The following FRMD4B variants were observed in gnomAD, a reference collection of about 807,000 sequenced individuals.
FRMD4B encodes the protein FERM domain-containing protein 4B.
FRMD4B carries 74 observed loss-of-function variants against 141.5 expected under a neutral mutation model. The ratio of observed to expected loss-of-function variants is 0.52; its 90% CI spans 0.43 to 0.63. The LOEUF is 0.63. Ranked by LOEUF, FRMD4B falls within the 30% of genes least tolerant of loss-of-function variation. The probability of loss-of-function intolerance (pLI) is 0.00; values close to 1 mark genes in which losing one functional copy is unlikely to be tolerated. For missense variants in FRMD4B, 1,366 were observed against 1,253.4 expected (o/e 1.09, Z -1.36); for synonymous variants, 506 against 467.9 (o/e 1.08, Z -1.05).
intron 5 of FRMD4B, among the ~76,000 whole-genome samples, chr3:69,257,547 G>T (rs1193276163): frequency 6.6e-6 from 1 of 152,040 alleles, no homozygotes; most frequent in African/African-American, 2.4e-5. Flanking sequence ...TACTAACCAT[G>T]CTAAATATTT....
At chr3:69,513,699 C>T (rs765288323) in intron 1 of FRMD4B, among the ~76,000 whole-genome samples, 19 of 151,710 alleles carry the variant, frequency 1.3e-4, no homozygotes, top group Admixed American at 7.9e-4. Flanking sequence ...TATAGGGCAA[C>T]CAAGTGAGAT....
At chr3:69,515,050 A>T (rs575784742) in intron 1 of FRMD4B, among the ~76,000 whole-genome samples, 3 of 152,358 alleles carry the variant, frequency 2.0e-5, no homozygotes, top group African/African-American at 7.2e-5. Context: ...AGGTCCCAGA[A>T]ACAAACATTC....
In FRMD4B at chr3:69,376,034, C is replaced by A. The variant is rs1013263717; in HGVS notation, c.162+9794G>T. 8.5e-5 allele frequency among the ~76,000 whole-genome samples: 13 copies of A among 152,076 alleles called. No individual in the cohort carries two copies. In the South Asian group the frequency reaches 1.0e-3, roughly 12 times the overall value. ...TTTAGAGATAAATCCCAAAAACTTA[C>A]TGAAAGAAAAATAAAAGCAGCAGAA... is the stretch of plus-strand genomic sequence containing the variant. On this transcript the variant is annotated intron_variant, in intron 1 of 22. Coordinates refer to ENST00000398540, the MANE Select transcript of FRMD4B (RefSeq NM_015123.3).
chr3:69,342,680 T>C (rs879698124), intron 1 of FRMD4B, among the ~76,000 whole-genome samples: 6 of 152,236 alleles, frequency 3.9e-5, no homozygotes, highest in Non-Finnish European at 8.8e-5. Context: ...ATAATAGTGA[T>C]GTTTCAATAC....
chr3:69,464,119 C>T (rs988735403), intron 1 of FRMD4B, among the ~76,000 whole-genome samples: 1 of 152,174 alleles, frequency 6.6e-6, no homozygotes, highest in Non-Finnish European at 1.5e-5. Context: ...CTGCTGCTCT[C>T]AATTCTGAGG....
chr3:69,476,493 T>A (rs1706001638), intron 1 of FRMD4B, among the ~76,000 whole-genome samples: 1 of 152,226 alleles, frequency 6.6e-6, no homozygotes, highest in Non-Finnish European at 1.5e-5. Context: ...TTGTCAGGTT[T>A]GTCAAAGATC....
intron 1 of FRMD4B, among the ~76,000 whole-genome samples, chr3:69,453,747 G>A (rs147106729): frequency 0.016 from 2,443 of 152,338 alleles, 31 homozygotes; most frequent in South Asian, 0.048. Context: ...GACGCTTTGA[G>A]AGCAGGTCCT....
At chr3:69,470,033 C>T (rs1705861888) in intron 1 of FRMD4B, among the ~76,000 whole-genome samples, 1 of 152,124 alleles carries the variant, frequency 6.6e-6, no homozygotes, top group African/African-American at 2.4e-5. Context: ...CCCCAAGACA[C>T]CCAGATGCAA....
chr3:69,215,951 T>C (rs1452205369), intron 11 of FRMD4B, among the ~76,000 whole-genome samples: 1 of 152,106 alleles, frequency 6.6e-6, no homozygotes, highest in Admixed American at 6.5e-5. Context: ...GTCAGAAGTT[T>C]GAGACCAGCC....
chr3:69,294,558 C>A (rs74622958), intron 4 of FRMD4B, among the ~76,000 whole-genome samples: 1,654 of 152,294 alleles, frequency 0.011, 26 homozygotes, highest in African/African-American at 0.037. Context: ...TTCTGAATTT[C>A]CAGACATGGC....
intron 1 of FRMD4B, among the ~76,000 whole-genome samples, chr3:69,465,285 G>T (rs576327821): frequency 6.7e-6 from 1 of 148,388 alleles, no homozygotes; most frequent in African/African-American, 2.5e-5. Flanking sequence ...GCACCACTGC[G>T]CTCCAGCCTG....
intron 1 of FRMD4B, among the ~76,000 whole-genome samples, chr3:69,317,733 T>TGACA (rs1378583439): frequency 8.8e-6 from 1 of 113,684 alleles, no homozygotes; most frequent in Non-Finnish European, 1.6e-5. Flanking sequence ...CCAGCCTAGG[T>TGACA]GACAGAGCAA....
chr3:69,391,483 G>C (rs1487739316), intron 2 of FRMD4B, among the ~76,000 whole-genome samples: 5 of 146,286 alleles, frequency 3.4e-5, no homozygotes, highest in African/African-American at 1.0e-4. Context: ...CCACCTATGA[G>C]TGAGAACCTG....
At chr3:69,349,403 G>A (rs1703057827) in intron 1 of FRMD4B, among the ~76,000 whole-genome samples, 1 of 152,134 alleles carries the variant, frequency 6.6e-6, no homozygotes. Flanking sequence ...ACTGCCCAAG[G>A]TAATTTATAG....
intron 2 of FRMD4B, among the ~76,000 whole-genome samples, chr3:69,395,065 A>T (rs2872804): frequency 0.67 from 102,254 of 151,880 alleles, 34,555 homozygotes; most frequent in East Asian, 0.7. Flanking sequence ...ACCTAATGTA[A>T]GCAGGGCTTA....
chr3:69,294,187 C>T (rs765663656), intron 4 of FRMD4B, among the ~76,000 whole-genome samples: 18 of 152,142 alleles, frequency 1.2e-4, no homozygotes, highest in Non-Finnish European at 2.5e-4. Flanking sequence ...AATCAAAACA[C>T]CTCATTCTGG....
chr3:69,228,428 G>A (rs2093274975), intron 7 of FRMD4B: 2 of 456,894 alleles, frequency 4.4e-6, no homozygotes, highest in Non-Finnish European at 8.8e-6. Flanking sequence ...TCAGACCTGG[G>A]GACACTGAGA....
intron 1 of FRMD4B, among the ~76,000 whole-genome samples, chr3:69,383,910 T>C (rs1454921150): frequency 6.6e-6 from 1 of 152,118 alleles, no homozygotes; most frequent in Admixed American, 6.5e-5. Flanking sequence ...TTCTAGTTAT[T>C]TTGAAATGTA....
chr3:69,275,308 C>T (rs2093612658), intron 5 of FRMD4B, among the ~76,000 whole-genome samples: 1 of 152,174 alleles, frequency 6.6e-6, no homozygotes, highest in African/African-American at 2.4e-5. Context: ...TAGTAGCAAG[C>T]CTTTGCTGTT....
Sources: gnomAD v4.1 joint callset for allele counts (sites outside exome capture counted in the v4.1 genomes callset) on GRCh38, gnomAD v4.1.1 for gene constraint, MANE v1.5 for transcripts, NCBI Gene and HGNC (gene_info 2026-07-23, HGNC 2026-07-21) for gene names.